Variants in R3HCC1L observed in about 807,000 individuals in gnomAD.
R3HCC1L encodes R3H domain and coiled-coil containing 1 like, also known as coiled-coil domain-containing protein R3HCC1L.
In R3HCC1L, 51 loss-of-function variants were observed where a neutral mutation model predicts 59.9. The ratio of observed to expected loss-of-function variants is 0.85; its 90% CI spans 0.68 to 1.07. The LOEUF is 1.07. Among genes scored for constraint, R3HCC1L ranks in the 50% least tolerant of loss-of-function variants. R3HCC1L has a pLI of 0.00. For synonymous variants in R3HCC1L, 322 were observed against 315.2 expected (o/e 1.02, Z -0.23); for missense variants, 965 against 933.0 (o/e 1.03, Z -0.45).
intron 9 of R3HCC1L, among the ~76,000 whole-genome samples, chr10:98,237,838 C>T (rs1204348018): frequency 2.0e-5 from 3 of 152,162 alleles, no homozygotes; most frequent in Non-Finnish European, 2.9e-5. Flanking sequence ...TGCTTGCCTG[C>T]ATGGAGCCCA....
intron 1 of R3HCC1L, among the ~76,000 whole-genome samples, chr10:98,141,225 C>G (rs1219488193): frequency 1.3e-5 from 2 of 152,162 alleles, no homozygotes; most frequent in Non-Finnish European, 2.9e-5. Flanking sequence ...CTTTTAACTA[C>G]AGACTATATG....
At chr10:98,217,431 T>C (rs1854339377) in intron 5 of R3HCC1L, among the ~76,000 whole-genome samples, 1 of 152,198 alleles carries the variant, frequency 6.6e-6, no homozygotes, top group Admixed American at 6.5e-5. Flanking sequence ...TACAGTATTT[T>C]TTGAAATCAG....
chr10:98,220,451 T>C (rs944368164), intron 5 of R3HCC1L, among the ~76,000 whole-genome samples: 3 of 150,458 alleles, frequency 2.0e-5, no homozygotes, highest in African/African-American at 4.9e-5. Flanking sequence ...TAGTTACATA[T>C]GTATACATAT....
intron 1 of R3HCC1L, among the ~76,000 whole-genome samples, chr10:98,146,956 T>A (rs187361016): frequency 6.6e-6 from 1 of 152,336 alleles, no homozygotes; most frequent in East Asian, 1.9e-4. Flanking sequence ...ATGATGACTC[T>A]ATTTTTCATT....
intron 9 of R3HCC1L, among the ~76,000 whole-genome samples, chr10:98,240,254 C>T (rs937891654): frequency 2.6e-5 from 4 of 152,028 alleles, no homozygotes; most frequent in South Asian, 2.1e-4. Flanking sequence ...TGCGGTGAGC[C>T]GAGATTGCAC....
At chr10:98,201,037 A>C (rs1436014379) in intron 4 of R3HCC1L, among the ~76,000 whole-genome samples, 1 of 152,152 alleles carries the variant, frequency 6.6e-6, no homozygotes, top group Non-Finnish European at 1.5e-5. Context: ...GAATATACAC[A>C]CAAAACCTTC....
At chr10:98,214,390 T>C (rs1309027380) in intron 5 of R3HCC1L, among the ~76,000 whole-genome samples, 1 of 152,076 alleles carries the variant, frequency 6.6e-6, no homozygotes, top group Non-Finnish European at 1.5e-5. Flanking sequence ...ATATAGTAAA[T>C]CATAAAATCT....
intron 4 of R3HCC1L, among the ~76,000 whole-genome samples, chr10:98,179,863 A>G (rs530126633): frequency 6.6e-6 from 1 of 152,290 alleles, no homozygotes; most frequent in African/African-American, 2.4e-5. Flanking sequence ...AGGTATTTGT[A>G]GTATTCTCTG....
intron 4 of R3HCC1L, among the ~76,000 whole-genome samples, chr10:98,200,963 ACCT>A (rs1269747554): frequency 6.6e-6 from 1 of 152,178 alleles, no homozygotes; most frequent in African/African-American, 2.4e-5. Context: ...TCTTGCAGTA[ACCT>A]TGGTAACCCA....
At chr10:98,186,424 C>CAAAA (rs1850225632) in intron 4 of R3HCC1L, 1 of 738,374 alleles carries the variant, frequency 1.4e-6, no homozygotes, top group Non-Finnish European at 1.7e-6. Flanking sequence ...TGTAGAGAGA[C>CAAAA]ATTTAACTAT....
intron 1 of R3HCC1L, among the ~76,000 whole-genome samples, chr10:98,152,364 C>T (rs1846271852): frequency 1.3e-5 from 2 of 151,730 alleles, no homozygotes; most frequent in East Asian, 1.9e-4. Context: ...CAGCCTCTGC[C>T]CGGCCGCCAC....
chr10:98,148,421 T>C (rs1845860539), intron 1 of R3HCC1L, among the ~76,000 whole-genome samples: 1 of 152,186 alleles, frequency 6.6e-6, no homozygotes, highest in Non-Finnish European at 1.5e-5. Context: ...TCCAGTATTA[T>C]GTTGAATAAA....
At chr10:98,149,987 T>A (rs1466855336) in intron 1 of R3HCC1L, among the ~76,000 whole-genome samples, 2 of 152,222 alleles carry the variant, frequency 1.3e-5, no homozygotes, top group Non-Finnish European at 2.9e-5. Flanking sequence ...TTTTTATACT[T>A]GGCAGCGCTG....
intron 4 of R3HCC1L, among the ~76,000 whole-genome samples, chr10:98,164,127 C>T (rs962897991): frequency 6.6e-6 from 1 of 152,120 alleles, no homozygotes; most frequent in African/African-American, 2.4e-5. Flanking sequence ...TTGGTCACAG[C>T]AACCGTCAGA....
At chr10:98,173,168 C>T (rs1176131619) in intron 4 of R3HCC1L, among the ~76,000 whole-genome samples, 2 of 152,002 alleles carry the variant, frequency 1.3e-5, no homozygotes, top group East Asian at 3.9e-4. Context: ...GTAAAAAATT[C>T]GAAGCAAGAA....
At chr10:98,240,602 T>A (rs1341278693) in intron 9 of R3HCC1L, among the ~76,000 whole-genome samples, 1 of 152,244 alleles carries the variant, frequency 6.6e-6, no homozygotes, top group East Asian at 1.9e-4. Flanking sequence ...ATTAATTAAA[T>A]CACAAAGAAC....
In R3HCC1L at chr10:98,209,715, A is replaced by T; in HGVS notation, c.1601A>T (p.Asp534Val). 1 of 1,614,002 alleles carries T rather than the reference A, an allele frequency of 6.2e-7. No individual in the cohort carries two copies. Among genetic ancestry groups the T allele is most frequent in the Non-Finnish European group, 8.5e-7 (1 of 1,179,890 alleles). The change falls in exon 5 of 10, where the codon GAT (aspartate) becomes GTT (valine). Residue 534 changes from aspartate to valine, a missense_variant. Asp to Val is a radical substitution (Grantham distance 152). Transcript: ENST00000298999. ...TAEEFKTEEQ[D>V]DSGSIEFGVS... ...GAAGAGTTCAAAACAGAAGAGCAAG[A>T]TGACTCAGGGAGTATAGAATTTGGT...
At chr10:98,197,468 C>T (rs1182790025) in intron 4 of R3HCC1L, among the ~76,000 whole-genome samples, 1 of 152,098 alleles carries the variant, frequency 6.6e-6, no homozygotes, top group Non-Finnish European at 1.5e-5. Flanking sequence ...ACTCTGTAGC[C>T]TTATACATTA....
intron 4 of R3HCC1L, among the ~76,000 whole-genome samples, chr10:98,180,450 T>C (rs1254832810): frequency 6.6e-6 from 1 of 152,156 alleles, no homozygotes; most frequent in East Asian, 1.9e-4. Flanking sequence ...CTGTTCTTTT[T>C]GATTTGCTGA....
Sources: gnomAD v4.1 joint callset for allele counts (sites outside exome capture counted in the v4.1 genomes callset) on GRCh38, gnomAD v4.1.1 for gene constraint, MANE v1.5 for transcripts, NCBI Gene and HGNC (gene_info 2026-07-23, HGNC 2026-07-21) for gene names.